Variants in ESRRG observed in about 807,000 individuals in gnomAD.
ESRRG encodes the protein estrogen related receptor gamma.
ESRRG carries 13 observed loss-of-function variants against 44.0 expected under a neutral mutation model. The ratio of observed to expected loss-of-function variants is 0.30; its 90% CI spans 0.19 to 0.47. The LOEUF (loss-of-function observed/expected upper bound fraction) is 0.47, where lower values mean the gene tolerates loss of function less well. Ranked by LOEUF, ESRRG falls within the 20% of genes least tolerant of loss-of-function variation. ESRRG has a pLI of 1.00. For missense variants in ESRRG, 395 were observed against 580.6 expected, an observed-to-expected ratio of 0.68 and a Z score of 3.29; for synonymous variants, 215 against 214.6, an observed-to-expected ratio of 1.00 and a Z score of -0.02.
At chr1:216,640,327 G>A (rs2066136310) in intron 3 of ESRRG, among the ~76,000 whole-genome samples, 1 of 152,052 alleles carries the variant, frequency 6.6e-6, no homozygotes, top group Non-Finnish European at 1.5e-5. Context: ...ATTGGCTTTG[G>A]GGAAGCCGCT....
intron 1 of ESRRG, among the ~76,000 whole-genome samples, chr1:217,006,934 A>G (rs1039913583): frequency 6.6e-6 from 1 of 152,090 alleles, no homozygotes; most frequent in African/African-American, 2.4e-5. Context: ...GTGCTGTTTT[A>G]TTTATTGCCA....
At chr1:216,835,739 C>A (rs921967920) in intron 2 of ESRRG, among the ~76,000 whole-genome samples, 1 of 152,156 alleles carries the variant, frequency 6.6e-6, no homozygotes, top group Admixed American at 6.5e-5. Flanking sequence ...GACTTCCAGT[C>A]TCTTAAAAGA....
At chr1:216,686,439 C>CAAAAAAAAAAAAAAAAAAA (rs58718125) in intron 1 of ESRRG, among the ~76,000 whole-genome samples, 1 of 107,178 alleles carries the variant, frequency 9.3e-6, no homozygotes, top group Non-Finnish European at 1.8e-5. Flanking sequence ...TATTGTTAAC[C>CAAAAAAAAAAAAAAAAAAA]AAAAAAAAAA....
At chr1:216,892,325 C>A (rs766258290) in intron 2 of ESRRG, among the ~76,000 whole-genome samples, 16 of 152,044 alleles carry the variant, frequency 1.1e-4, no homozygotes, top group Non-Finnish European at 2.4e-4. Context: ...CCCTAGAGAT[C>A]TGTTTATTTT....
intron 4 of ESRRG, 145 bp downstream of exon 4, chr1:216,567,843 C>T (rs1332361160): frequency 5.0e-6 from 3 of 595,790 alleles, no homozygotes; most frequent in South Asian, 2.0e-5. Flanking sequence ...TCCTCACAGA[C>T]AATCTTTGGG....
chr1:217,086,367 A>G (rs775149211), intron 1 of ESRRG, among the ~76,000 whole-genome samples: 1 of 152,224 alleles, frequency 6.6e-6, no homozygotes, highest in African/African-American at 2.4e-5. Flanking sequence ...TATATCCATA[A>G]CATGCTTTTT....
intron 1 of ESRRG, among the ~76,000 whole-genome samples, chr1:216,971,036 G>C (rs914016707): frequency 2.6e-5 from 4 of 152,172 alleles, no homozygotes; most frequent in African/African-American, 9.6e-5. Flanking sequence ...AAGTCATTCA[G>C]GTGACAGGAC....
At chr1:217,000,433 C>T (rs1431623141) in intron 1 of ESRRG, 1 of 152,118 alleles carries the variant, frequency 6.6e-6, no homozygotes, top group African/African-American at 2.4e-5. Flanking sequence ...TCCCCTTGTC[C>T]CTGTGTCCAA....
At chr1:217,050,388 C>T (rs1371818685) in intron 1 of ESRRG, among the ~76,000 whole-genome samples, 3 of 152,160 alleles carry the variant, frequency 2.0e-5, no homozygotes, top group African/African-American at 7.2e-5. Flanking sequence ...GACCACATAA[C>T]CTGTGCAGCT....
At chr1:217,037,761 C>T (rs1306546569) in intron 1 of ESRRG, among the ~76,000 whole-genome samples, 2 of 152,116 alleles carry the variant, frequency 1.3e-5, no homozygotes, top group Non-Finnish European at 2.9e-5. Flanking sequence ...CCACCAAGAG[C>T]CTGTAAAATC....
intron 1 of ESRRG, among the ~76,000 whole-genome samples, chr1:217,017,538 G>T (rs2079604067): frequency 6.7e-6 from 1 of 150,022 alleles, no homozygotes; most frequent in Non-Finnish European, 1.5e-5. Flanking sequence ...TCACTCTCAG[G>T]ACATTTTGGA....
At chr1:216,721,330 T>A (rs957881564) in intron 1 of ESRRG, among the ~76,000 whole-genome samples, 11 of 152,244 alleles carry the variant, frequency 7.2e-5, no homozygotes, top group African/African-American at 2.7e-4. Flanking sequence ...TTTAACCCGG[T>A]ACAATTACTA....
intron 2 of ESRRG, among the ~76,000 whole-genome samples, chr1:216,664,402 G>T (rs985821747): frequency 1.3e-5 from 2 of 151,170 alleles, no homozygotes; most frequent in Non-Finnish European, 2.9e-5. Flanking sequence ...AACAATGTGT[G>T]ACACTTTGCA....
At chr1:217,054,921 T>G (rs1232431216) in intron 1 of ESRRG, among the ~76,000 whole-genome samples, 1 of 152,136 alleles carries the variant, frequency 6.6e-6, no homozygotes, top group African/African-American at 2.4e-5. Flanking sequence ...CACTGCAGAC[T>G]CTGGTTGTGA....
chr1:216,722,917 T>C (rs1381396230), intron 1 of ESRRG, among the ~76,000 whole-genome samples: 1 of 152,176 alleles, frequency 6.6e-6, no homozygotes, highest in African/African-American at 2.4e-5. Flanking sequence ...TGGGTCCTAG[T>C]AAAAGATGCA....
At chr1:216,891,403 T>C (rs2057767505) in intron 2 of ESRRG, among the ~76,000 whole-genome samples, 1 of 152,242 alleles carries the variant, frequency 6.6e-6, no homozygotes, top group Non-Finnish European at 1.5e-5. Flanking sequence ...AGAAAATCCT[T>C]TCCTTTGCAC....
At chr1:216,802,179 G>T (rs547522599) in intron 2 of ESRRG, among the ~76,000 whole-genome samples, 93 of 152,208 alleles carry the variant, frequency 6.1e-4, no homozygotes, top group African/African-American at 2.2e-3. Flanking sequence ...AGCCTGAGGG[G>T]TGCTTTTTTT....
rs1435869189 is a variant in ESRRG at position 216,506,661 on chromosome 1, A to C, written c.*278T>G. ...AATGGGAACTAGGAATGAAAGAAGC[A>C]AAGAAATAAGGGAGGTGAAAGAAGA... On this transcript the variant is annotated 3_prime_UTR_variant, in exon 7 of 7. Transcript: ENST00000408911. 1 of 541,182 alleles carries C rather than the reference A, an allele frequency of 1.8e-6. No individual in the cohort carries two copies. The highest frequency in any genetic ancestry group is 3.5e-6 in the Non-Finnish European group (1 of 287,268). 33.5% of individuals were successfully genotyped at this position (541,182 alleles called of 1,614,324 possible).
In ESRRG at chr1:216,505,666, T is replaced by C. The variant is rs2041074364; in HGVS notation, c.*1273A>G. The C allele has an allele frequency of 6.6e-6, 1 of 152,578 alleles. No homozygotes were observed. Among genetic ancestry groups the C allele is most frequent in the African/African-American group, 2.4e-5 (1 of 41,422 alleles). 9.5% of individuals were successfully genotyped at this position (152,578 alleles called of 1,614,324 possible). Reference sequence around the variant, plus strand: ...ATCTATATCTCATGTGCAGTGCTTATATATGTGACTACTCAGAGTCACTGT... The same window carrying C: ...ATCTATATCTCATGTGCAGTGCTTACATATGTGACTACTCAGAGTCACTGT... On this transcript the variant is annotated 3_prime_UTR_variant, in exon 7 of 7. Coordinates refer to ENST00000408911, the MANE Select transcript of ESRRG (RefSeq NM_001438.4).
Sources: allele counts gnomAD v4.1 joint callset (sites outside exome capture counted in the v4.1 genomes callset), GRCh38; gene constraint gnomAD v4.1.1; transcripts MANE v1.5; gene names NCBI Gene and HGNC (gene_info 2026-07-23, HGNC 2026-07-21).